Variants in ARIH1 observed in about 807,000 individuals in gnomAD.
ARIH1 encodes E3 ubiquitin-protein ligase ARIH1.
Under a neutral mutation model 85.0 loss-of-function variants are expected in ARIH1, and 8 were observed. The observed-to-expected ratio is 0.09, with a 90% CI of 0.06 to 0.17. ARIH1 has a LOEUF of 0.17. ARIH1 is among the 10% of genes least tolerant of loss of function. ARIH1 has a pLI of 1.00. For missense variants in ARIH1, 311 were observed against 718.1 expected (o/e 0.43, Z 6.48); for synonymous variants, 238 against 253.6 (o/e 0.94, Z 0.59).
At chr15:72,491,105 G>A (rs1247317299) in intron 1 of ARIH1, among the ~76,000 whole-genome samples, 1 of 152,138 alleles carries the variant, frequency 6.6e-6, no homozygotes, top group Admixed American at 6.6e-5. Context: ...GACAGAGTAA[G>A]ACTCTTGTCT....
intron 1 of ARIH1, among the ~76,000 whole-genome samples, chr15:72,477,038 T>C (rs72735149): frequency 0.037 from 5,710 of 152,338 alleles, 109 homozygotes; most frequent in Middle Eastern, 0.054. Flanking sequence ...AGTGTTCTTA[T>C]TTTCTTGGGA....
At chr15:72,565,155 A>T (rs2064213771) in intron 7 of ARIH1, among the ~76,000 whole-genome samples, 2 of 152,132 alleles carry the variant, frequency 1.3e-5, no homozygotes, top group South Asian at 4.1e-4. Context: ...TTTGCTTCTC[A>T]GGTTCAAGTG....
chr15:72,510,288 C>T (rs932524882), intron 1 of ARIH1, among the ~76,000 whole-genome samples: 16 of 152,118 alleles, frequency 1.1e-4, no homozygotes, highest in Non-Finnish European at 7.4e-5. Context: ...CTTTTACTTT[C>T]GATGGATTTC....
chr15:72,488,980 C>T lies in ARIH1; in HGVS notation c.375+13966C>T, dbSNP rs984596360. Among the ~76,000 whole-genome samples the T allele has an allele frequency of 5.9e-5, 9 of 152,160 alleles. No homozygotes were observed. In the South Asian group the frequency reaches 1.0e-3, roughly 17 times the overall value. ...GGAATCACCCAGGTGCAGTGGCTCACGCCTGCAATCCCACAACTTTGGGAG... is the reference window on the plus strand; with the variant it reads ...GGAATCACCCAGGTGCAGTGGCTCATGCCTGCAATCCCACAACTTTGGGAG... On this transcript the variant is annotated intron_variant, in intron 1 of 13. Transcript: ENST00000379887.
chr15:72,546,001 A>G (rs2064127393), intron 3 of ARIH1, among the ~76,000 whole-genome samples: 1 of 152,210 alleles, frequency 6.6e-6, no homozygotes, highest in Non-Finnish European at 1.5e-5. Context: ...TCTAATAATT[A>G]CTATATAACA....
At chr15:72,578,771 A>C (rs1054450779) in intron 11 of ARIH1, among the ~76,000 whole-genome samples, 20 of 151,516 alleles carry the variant, frequency 1.3e-4, no homozygotes, top group African/African-American at 4.6e-4. Flanking sequence ...CTATTGTTCA[A>C]ATATCCCCAA....
intron 7 of ARIH1, 35 bp downstream of exon 7, chr15:72,563,535 C>G: frequency 1.3e-6 from 2 of 1,526,242 alleles, no homozygotes; most frequent in Non-Finnish European, 1.8e-6. Context: ...AAATAGTGCA[C>G]AAAGCGTTTC....
chr15:72,483,663 G>A (rs568819440), intron 1 of ARIH1, among the ~76,000 whole-genome samples: 13 of 152,222 alleles, frequency 8.5e-5, no homozygotes, highest in South Asian at 8.3e-4. Context: ...TGGATTAACC[G>A]TAAATTAATT....
At chr15:72,496,952 AG>A in intron 1 of ARIH1, 2 of 542,542 alleles carry the variant, frequency 3.7e-6, no homozygotes, top group Non-Finnish European at 4.7e-6. Context: ...TCATTATTTA[AG>A]GGCACATCAT....
chr15:72,536,532 G>A (rs1393727718), intron 2 of ARIH1, among the ~76,000 whole-genome samples: 1 of 152,072 alleles, frequency 6.6e-6, no homozygotes, highest in African/African-American at 2.4e-5. Flanking sequence ...CTGAATGGGG[G>A]GGATGTAAGA....
chr15:72,514,872 C>T (rs966112346), intron 1 of ARIH1, among the ~76,000 whole-genome samples: 1 of 151,922 alleles, frequency 6.6e-6, no homozygotes, highest in African/African-American at 2.4e-5. Flanking sequence ...TGGTGGCATG[C>T]CCCTGTAATC....
Position 72,474,412 on chromosome 15 carries a change from CG to C in ARIH1, c.-225del. On this transcript the variant is annotated 5_prime_UTR_variant, in exon 1 of 14. Transcript: ENST00000379887. ...GGAGCGGAGCCGCGTCTGACTGAGG[CG>C]GGCAGCAAGCGGCCCCCTCGCTCCC... 1.8e-6 allele frequency: 1 copy of C among 567,804 alleles called. No homozygotes were observed. The highest frequency in any genetic ancestry group is 3.4e-5 in the Admixed American group (1 of 29,628). 35.2% of individuals were successfully genotyped at this position (567,804 alleles called of 1,614,324 possible).
chr15:72,548,055 A>T (rs191431228), intron 3 of ARIH1, among the ~76,000 whole-genome samples: 3 of 152,356 alleles, frequency 2.0e-5, no homozygotes, highest in South Asian at 4.1e-4. Context: ...TCTAAGAAAC[A>T]ATGGAGAATA....
At chr15:72,519,790 G>T (rs980694918) in intron 2 of ARIH1, among the ~76,000 whole-genome samples, 5 of 151,908 alleles carry the variant, frequency 3.3e-5, no homozygotes, top group African/African-American at 1.2e-4. Context: ...AGCCCTGACC[G>T]TATTTTTTGA....
At chr15:72,557,065 C>G (rs189862031) in intron 5 of ARIH1, among the ~76,000 whole-genome samples, 76 of 152,186 alleles carry the variant, frequency 5.0e-4, no homozygotes, top group Non-Finnish European at 1.9e-4. Flanking sequence ...GATTTATTTT[C>G]CCTGTGATCT....
chr15:72,575,551 CAAAAAAAAAAAA>C (rs59727915), intron 11 of ARIH1, among the ~76,000 whole-genome samples: 3 of 60,562 alleles, frequency 5.0e-5, no homozygotes, highest in African/African-American at 1.9e-4. Context: ...ACCCTGTCTC[CAAAAAAAAAAAA>C]AAAAAAAAAA....
chr15:72,476,131 T>C (rs774982646), intron 1 of ARIH1, among the ~76,000 whole-genome samples: 4 of 152,258 alleles, frequency 2.6e-5, no homozygotes, highest in Non-Finnish European at 5.9e-5. Context: ...TAAATATTCA[T>C]TGACAAATTA....
intron 2 of ARIH1, 130 bp downstream of exon 2, chr15:72,518,264 A>C (rs2063983855): frequency 1.5e-6 from 1 of 662,388 alleles, no homozygotes; most frequent in East Asian, 2.9e-5. Context: ...GCAACTAGTG[A>C]CTGCTTTAAT....
At chr15:72,491,585 A>G (rs2063859607) in intron 1 of ARIH1, among the ~76,000 whole-genome samples, 2 of 152,348 alleles carry the variant, frequency 1.3e-5, no homozygotes, top group Admixed American at 1.3e-4. Flanking sequence ...TTTATTATTG[A>G]TAAAAATAAG....
Sources: gnomAD v4.1 joint callset for allele counts (sites outside exome capture counted in the v4.1 genomes callset) on GRCh38, gnomAD v4.1.1 for gene constraint, MANE v1.5 for transcripts, NCBI Gene and HGNC (gene_info 2026-07-23, HGNC 2026-07-21) for gene names.